Variants in RGS9 observed in about 807,000 individuals in gnomAD.
RGS9 encodes the protein regulator of G protein signaling 9.
In RGS9, 78 loss-of-function variants were observed where a neutral mutation model predicts 102.0. That is an observed-to-expected ratio of 0.76 (90% CI 0.64 to 0.92). The LOEUF is 0.92. Ranked by LOEUF, RGS9 falls within the 40% of genes least tolerant of loss-of-function variation. The probability of loss-of-function intolerance (pLI) is 0.00; values close to 1 mark genes in which losing one functional copy is unlikely to be tolerated. For missense variants in RGS9, 833 were observed against 866.1 expected (o/e 0.96, Z 0.48); for synonymous variants, 353 against 318.6 (o/e 1.11, Z -1.15).
chr17:65,217,630 T>C (rs1165756402), intron 17 of RGS9, among the ~76,000 whole-genome samples: 2 of 151,944 alleles, frequency 1.3e-5, no homozygotes, highest in East Asian at 3.9e-4. Context: ...AGAGATATAG[T>C]GGTAACTTAG....
chr17:65,153,333 T>C (rs1910651543), intron 1 of RGS9, 89 bp from the exon 2 acceptor site: 6 of 1,124,342 alleles, frequency 5.3e-6, no homozygotes, highest in Non-Finnish European at 8.2e-6. Context: ...CCTTTGCATT[T>C]TGAGGTCCCT....
intron 1 of RGS9, among the ~76,000 whole-genome samples, chr17:65,139,919 G>A (rs567004753): frequency 5.9e-5 from 9 of 152,344 alleles, no homozygotes; most frequent in Middle Eastern, 3.4e-3. Flanking sequence ...AGCTACATTC[G>A]ATGTTCAGCT....
chr17:65,167,188 A>G (rs903607440), intron 7 of RGS9, among the ~76,000 whole-genome samples: 1 of 152,020 alleles, frequency 6.6e-6, no homozygotes. Context: ...AGGAAAATAA[A>G]CAGCCCTTTT....
At chr17:65,182,088 A>G (rs186080318) in intron 9 of RGS9, among the ~76,000 whole-genome samples, 2 of 152,110 alleles carry the variant, frequency 1.3e-5, no homozygotes, top group Non-Finnish European at 2.9e-5. Context: ...CTACTCCAAT[A>G]AGCAGCTGCT....
chr17:65,207,770 C>A, intron 15 of RGS9, 152 bp from the exon 16 acceptor site: 1 of 588,688 alleles, frequency 1.7e-6, no homozygotes, highest in Non-Finnish European at 3.1e-6. Context: ...CCACTGCTCT[C>A]AACACCTCCC....
rs111288788 is a variant in RGS9 at position 65,157,869 on chromosome 17, G to C, written c.155-426G>C. Among the ~76,000 whole-genome samples the C allele has an allele frequency of 2.6e-3, 402 of 152,172 alleles. 1 individual carries two copies. Among genetic ancestry groups the C allele is most frequent in the Admixed American group, 3.0e-3 (46 of 15,280 alleles). On this transcript the variant is annotated intron_variant, in intron 2 of 18. Transcript: ENST00000262406. ...TGTTTTACTCCCAGAGTCCCAGCTT[G>C]GTCCAGAGCCCTGCAAACAGCTTGC...
intron 11 of RGS9, among the ~76,000 whole-genome samples, chr17:65,192,582 C>G (rs1455416022): frequency 6.6e-6 from 1 of 151,278 alleles, no homozygotes; most frequent in Non-Finnish European, 1.5e-5. Flanking sequence ...TCACTGCACT[C>G]CAGCCTTAGT....
chr17:65,187,726 G>A (rs773181892), intron 9 of RGS9, among the ~76,000 whole-genome samples: 5 of 152,218 alleles, frequency 3.3e-5, no homozygotes, highest in Admixed American at 1.3e-4. Context: ...GGCCGGGTGC[G>A]GTGGCTCACG....
chr17:65,220,194 T>G (rs1913654667), intron 17 of RGS9, among the ~76,000 whole-genome samples: 1 of 152,230 alleles, frequency 6.6e-6, no homozygotes, highest in Non-Finnish European at 1.5e-5. Flanking sequence ...TAGTAAATCA[T>G]TATTCTTTAT....
intron 12 of RGS9, among the ~76,000 whole-genome samples, chr17:65,194,296 A>G (rs1398952197): frequency 6.6e-6 from 1 of 152,170 alleles, no homozygotes; most frequent in Non-Finnish European, 1.5e-5. Flanking sequence ...TTATCCATTC[A>G]TCTGCTGATG....
intron 17 of RGS9, among the ~76,000 whole-genome samples, chr17:65,213,745 G>C (rs558915643): frequency 6.6e-6 from 1 of 152,230 alleles, no homozygotes; most frequent in Non-Finnish European, 1.5e-5. Context: ...CTCATACGGG[G>C]ACTCCTTGTG....
intron 10 of RGS9, 73 bp downstream of exon 10, chr17:65,189,388 C>G: frequency 8.6e-7 from 1 of 1,168,252 alleles, no homozygotes; most frequent in Non-Finnish European, 1.3e-6. Context: ...TTGTTTTACC[C>G]TCTGCGCTTG....
intron 8 of RGS9, among the ~76,000 whole-genome samples, chr17:65,174,246 A>G (rs537543588): frequency 2.0e-5 from 3 of 152,314 alleles, no homozygotes; most frequent in East Asian, 1.9e-4. Flanking sequence ...GAAGGAAAGA[A>G]CTAGATAACG....
At chr17:65,201,100 TACAC>T (rs113665578) in intron 13 of RGS9, among the ~76,000 whole-genome samples, 36 of 148,744 alleles carry the variant, frequency 2.4e-4, no homozygotes, top group African/African-American at 5.5e-4. Context: ...CTCCACGATT[TACAC>T]ACACACACAC....
At chr17:65,182,175 C>A (rs1484270673) in intron 9 of RGS9, among the ~76,000 whole-genome samples, 1 of 152,234 alleles carries the variant, frequency 6.6e-6, no homozygotes, top group African/African-American at 2.4e-5. Context: ...GTATAAAATA[C>A]TGTGCTCTGC....
intron 8 of RGS9, among the ~76,000 whole-genome samples, chr17:65,174,091 T>C (rs368793444): frequency 5.8e-4 from 89 of 152,272 alleles, no homozygotes; most frequent in African/African-American, 2.0e-3. Context: ...GGCAGAATCA[T>C]GAAGCCCAGT....
At chr17:65,215,460 T>TTCTTTCTTTCTTTCTCTA (rs779300339) in intron 17 of RGS9, among the ~76,000 whole-genome samples, 2 of 148,622 alleles carry the variant, frequency 1.3e-5, no homozygotes, top group Non-Finnish European at 2.9e-5. Context: ...GAGTTTCTCT[T>TTCTTTCTTTCTTTCTCTA]TCTTTCTTTC....
At chr17:65,139,108 C>CCCGCTCCCCCCCA (rs1910045367) in intron 1 of RGS9, among the ~76,000 whole-genome samples, 1 of 40,872 alleles carries the variant, frequency 2.4e-5, no homozygotes, top group Non-Finnish European at 5.6e-5. Flanking sequence ...GCTCTCCCCC[C>CCCGCTCCCCCCCA]TCCACCCCAC....
intron 17 of RGS9, among the ~76,000 whole-genome samples, chr17:65,211,585 G>A (rs1444156923): frequency 8.0e-6 from 1 of 124,760 alleles, no homozygotes; most frequent in Non-Finnish European, 1.8e-5. Context: ...CTGTGGTCAG[G>A]ACTGGGGGAG....
Sources: gnomAD v4.1 joint callset for allele counts (sites outside exome capture counted in the v4.1 genomes callset) on GRCh38, gnomAD v4.1.1 for gene constraint, MANE v1.5 for transcripts, NCBI Gene and HGNC (gene_info 2026-07-23, HGNC 2026-07-21) for gene names.